Variants in TMC2 observed in about 807,000 individuals in gnomAD.
The protein encoded by TMC2 is transmembrane channel like 2.
Under a neutral mutation model 105.9 loss-of-function variants are expected in TMC2, and 102 were observed. The observed-to-expected ratio is 0.96, with a 90% CI of 0.82 to 1.14. The LOEUF (loss-of-function observed/expected upper bound fraction) is 1.14, where lower values mean the gene tolerates loss of function less well. Ranked by LOEUF, TMC2 falls within the 50% of genes most tolerant of loss-of-function variation. TMC2 has a pLI of 0.00. For synonymous variants in TMC2, 402 were observed against 422.8 expected, an observed-to-expected ratio of 0.95 and a Z score of 0.60; for missense variants, 1,093 against 1,134.3, an observed-to-expected ratio of 0.96 and a Z score of 0.52.
At chr20:2,629,115 C>T (rs972674000) in intron 17 of TMC2, among the ~76,000 whole-genome samples, 13 of 151,824 alleles carry the variant, frequency 8.6e-5, no homozygotes, top group African/African-American at 1.5e-4. Flanking sequence ...AAAAAGAAAA[C>T]AGGCTAATAC....
intron 16 of TMC2, among the ~76,000 whole-genome samples, chr20:2,621,191 T>C (rs1425396417): frequency 6.6e-6 from 1 of 151,822 alleles, no homozygotes; most frequent in Admixed American, 6.6e-5. Flanking sequence ...TGAAACCCCG[T>C]TTCTACTAAA....
chr20:2,587,576 G>C (rs1231423259), intron 7 of TMC2, among the ~76,000 whole-genome samples: 1 of 151,272 alleles, frequency 6.6e-6, no homozygotes, highest in Non-Finnish European at 1.5e-5. Flanking sequence ...ATTTTCCTGT[G>C]GTAGGTTTAG....
intron 4 of TMC2, among the ~76,000 whole-genome samples, chr20:2,564,148 C>CCCT (rs2086046917): frequency 1.1e-5 from 1 of 93,250 alleles, no homozygotes; most frequent in Non-Finnish European, 2.1e-5. Flanking sequence ...TCTCAGCCTC[C>CCCT]TCTTTTTTTT....
chr20:2,633,815 T>C (rs7268153), intron 17 of TMC2, among the ~76,000 whole-genome samples: 24,247 of 152,134 alleles, frequency 0.16, 2,823 homozygotes, highest in East Asian at 0.31. Context: ...CTGTTCTTGC[T>C]GGAATTTAGC....
intron 2 of TMC2, among the ~76,000 whole-genome samples, chr20:2,551,369 A>G (rs1337790643): frequency 6.9e-6 from 1 of 145,120 alleles, no homozygotes; most frequent in African/African-American, 2.5e-5. Flanking sequence ...TGTCAGATAC[A>G]TGTTTTGCAA....
intron 8 of TMC2, among the ~76,000 whole-genome samples, chr20:2,593,576 T>C (rs893577814): frequency 6.6e-6 from 1 of 152,222 alleles, no homozygotes; most frequent in African/African-American, 2.4e-5. Context: ...TGGACTTGAT[T>C]ATTGAAAAAC....
intron 19 of TMC2, among the ~76,000 whole-genome samples, chr20:2,637,911 A>T (rs1202596621): frequency 6.6e-6 from 1 of 152,168 alleles, no homozygotes; most frequent in Non-Finnish European, 1.5e-5. Flanking sequence ...GGCATCTACA[A>T]TGGTGGCCCC....
rs747336282 is a variant in TMC2 at position 2,602,304 on chromosome 20, A to C, written c.1413+3A>C. On this transcript the variant is annotated splice_donor_region_variant and intron_variant, in intron 11 of 19. Transcript: ENST00000358864. ...TCAGCTGGTATGAAAGGAATGAGGT[A>C]AGAAAAACATCGCTGATGAACTGAA... The C allele has an allele frequency of 1.3e-6, 2 of 1,578,842 alleles. No individual in the cohort carries two copies. Among genetic ancestry groups the C allele is most frequent in the African/African-American group, 2.7e-5 (2 of 73,366 alleles).
In TMC2 at chr20:2,558,198, T is replaced by C; in HGVS notation, c.83-258T>C. 1.4e-6 allele frequency: 1 copy of C among 733,996 alleles called. No homozygotes were observed. The allele number at this position is 733,996 out of a possible 1,614,324, so 45.5% of individuals were successfully genotyped here. A position where few individuals can be genotyped will look rare whatever the true frequency, so the allele number is the denominator to read the frequency against. On this transcript the variant is annotated intron_variant, in intron 2 of 19. Coordinates refer to ENST00000358864, the MANE Select transcript of TMC2 (RefSeq NM_080751.3). This position sits in a 1 kb window ranked among gnomAD's most constrained non-coding sequence, Gnocchi z 4.6. ...TTCCTTGGGTATAGGGCAGGACACC[T>C]GTCACAGGAGGTCTTCAAGGGAGAC...
At chr20:2,561,502 A>G (rs1394956074) in intron 3 of TMC2, among the ~76,000 whole-genome samples, 2 of 152,234 alleles carry the variant, frequency 1.3e-5, no homozygotes, top group African/African-American at 2.4e-5. Context: ...ATATTTGAGT[A>G]AATAAACTGT....
chr20:2,554,396 C>T (rs148186827), intron 2 of TMC2, among the ~76,000 whole-genome samples: 21 of 152,290 alleles, frequency 1.4e-4, no homozygotes, highest in African/African-American at 4.8e-4. Context: ...AAGAACCTCT[C>T]TATGATTTCA....
In TMC2 at chr20:2,624,370, G is replaced by A; in HGVS notation, c.2280G>A (p.Leu760=). 6.2e-7 allele frequency: 1 copy of A among 1,613,980 alleles called. No homozygotes were observed. The highest frequency in any genetic ancestry group is 8.5e-7 in the Non-Finnish European group (1 of 1,179,952). Residue 760 remains leucine (L), a synonymous_variant, in exon 17 of 20, where the codon CTG becomes CTA. Coordinates refer to ENST00000358864, the MANE Select transcript of TMC2 (RefSeq NM_080751.3). ...KIFAFLANPG[L]IIPAILLMFL... ...TTGCTTTCCTCGCCAATCCAGGCCT[G>A]ATCATCCCAGCCATCCTGCTGATGT... is the stretch of plus-strand genomic sequence containing the variant.
In TMC2 at chr20:2,641,396, G is replaced by C; in HGVS notation, c.*45G>C. On this transcript the variant is annotated 3_prime_UTR_variant, in exon 20 of 20. Transcript: ENST00000358864. ...CCTCGACCCTAGGGCTGATCCTCAA[G>C]TACCCCAGTTTCACACATACCAAAC... 3 of 1,317,280 alleles carry C rather than the reference G, an allele frequency of 2.3e-6. No homozygotes were observed. The Admixed American group carries it at 5.5e-5, about 24-fold the overall frequency. The allele number at this position is 1,317,280 out of a possible 1,614,324, so 81.6% of individuals were successfully genotyped here. A position where few individuals can be genotyped will look rare whatever the true frequency, so the allele number is the denominator to read the frequency against.
At chr20:2,612,944 A>G (rs1198266929) in intron 13 of TMC2, among the ~76,000 whole-genome samples, 1 of 152,246 alleles carries the variant, frequency 6.6e-6, no homozygotes, top group Non-Finnish European at 1.5e-5. Context: ...TGAGATTGAT[A>G]TCAATATCAA....
intron 2 of TMC2, among the ~76,000 whole-genome samples, chr20:2,542,945 C>A (rs1297062457): frequency 4.3e-5 from 6 of 139,410 alleles, no homozygotes; most frequent in African/African-American, 1.6e-4. Flanking sequence ...CTTTTTAAAA[C>A]AAAATACAAG....
intron 17 of TMC2, among the ~76,000 whole-genome samples, chr20:2,630,566 A>G (rs973857851): frequency 1.3e-5 from 2 of 152,176 alleles, no homozygotes; most frequent in African/African-American, 4.8e-5. Flanking sequence ...TCATGCTGGT[A>G]ATACCAGCAC....
chr20:2,574,333 T>C (rs2086127504), intron 5 of TMC2, among the ~76,000 whole-genome samples: 1 of 152,244 alleles, frequency 6.6e-6, no homozygotes, highest in African/African-American at 2.4e-5. Context: ...TTTGTGTGTG[T>C]TTGTACACAA....
At chr20:2,543,184 C>G (rs1260791620) in intron 2 of TMC2, among the ~76,000 whole-genome samples, 1 of 151,944 alleles carries the variant, frequency 6.6e-6, no homozygotes, top group Non-Finnish European at 1.5e-5. Context: ...CTGCAGTGAG[C>G]CAAGATCTTA....
At chr20:2,544,534 A>G (rs6036895) in intron 2 of TMC2, among the ~76,000 whole-genome samples, 6,201 of 152,240 alleles carry the variant, frequency 0.041, 390 homozygotes, top group African/African-American at 0.14. Flanking sequence ...AAGATTTCAG[A>G]GAGGTCTGCA....
Sources: gnomAD v4.1 joint callset for allele counts (sites outside exome capture counted in the v4.1 genomes callset) on GRCh38, gnomAD v4.1.1 for gene constraint, Gnocchi (gnomAD v3.1) non-coding constraint, MANE v1.5 for transcripts, NCBI Gene and HGNC (gene_info 2026-07-23, HGNC 2026-07-21) for gene names.